ROBO2: variants seen among roughly 807,000 people sequenced by gnomAD.
ROBO2 encodes the protein roundabout guidance receptor 2.
Under a neutral mutation model 160.8 loss-of-function variants are expected in ROBO2, and 53 were observed. The ratio of observed to expected loss-of-function variants is 0.33; its 90% CI spans 0.26 to 0.41. The LOEUF is 0.41. Among genes scored for constraint, ROBO2 ranks in the 10% least tolerant of loss-of-function variants. The probability of loss-of-function intolerance (pLI) is 1.00; values close to 1 mark genes in which losing one functional copy is unlikely to be tolerated. For missense variants in ROBO2, 1,577 were observed against 1,722.4 expected (o/e 0.92, Z 1.49); for synonymous variants, 664 against 611.7 (o/e 1.09, Z -1.26).
intron 2 of ROBO2, among the ~76,000 whole-genome samples, chr3:76,039,142 A>G (rs1043696194): frequency 6.6e-6 from 1 of 152,008 alleles, no homozygotes; most frequent in Non-Finnish European, 1.5e-5. Context: ...TGGCCATAGT[A>G]AAGACTGGCA....
chr3:76,809,468 C>T (rs2064994713), intron 2 of ROBO2, among the ~76,000 whole-genome samples: 1 of 152,122 alleles, frequency 6.6e-6, no homozygotes, highest in South Asian at 2.1e-4. Flanking sequence ...CAAAGACAGC[C>T]TTATATAACA....
intron 2 of ROBO2, among the ~76,000 whole-genome samples, chr3:76,338,816 T>G (rs2108134333): frequency 6.6e-6 from 1 of 151,776 alleles, no homozygotes; most frequent in South Asian, 2.1e-4. Context: ...GACAATGAAG[T>G]TGAACCACTG....
chr3:77,321,036 T>G (rs1378353395), intron 2 of ROBO2, among the ~76,000 whole-genome samples: 1 of 152,186 alleles, frequency 6.6e-6, no homozygotes, highest in South Asian at 2.1e-4. Context: ...TCTAGTTGAC[T>G]AAGAAGATAG....
intron 2 of ROBO2, among the ~76,000 whole-genome samples, chr3:77,441,571 A>G (rs1350455653): frequency 2.6e-5 from 4 of 152,172 alleles, no homozygotes; most frequent in Non-Finnish European, 5.9e-5. Flanking sequence ...AAATTTAAAC[A>G]TACAAAATTA....
At chr3:76,079,365 TGATCATTA>T (rs1286908484) in intron 2 of ROBO2, among the ~76,000 whole-genome samples, 2 of 152,198 alleles carry the variant, frequency 1.3e-5, no homozygotes, top group Non-Finnish European at 1.5e-5. Context: ...AACCCTCATT[TGATCATTA>T]AACATTGTAT....
At chr3:76,754,240 T>C (rs2060838524) in intron 2 of ROBO2, among the ~76,000 whole-genome samples, 1 of 151,944 alleles carries the variant, frequency 6.6e-6, no homozygotes, top group Non-Finnish European at 1.5e-5. Context: ...GTTTTCTCTC[T>C]AGGCCGTTAG....
In ROBO2 at chr3:77,270,945, TAA is replaced by T. The variant is rs34427104; in HGVS notation, c.388+172619_388+172620del. On this transcript the variant is annotated intron_variant, in intron 2 of 25. Transcript: ENST00000461745. The stretch of plus-strand genomic sequence containing the variant: ...GCGACAGAGCAATACTCTGTCTTTT[TAA>T]AAAAAAAAAAAAACGGTTTCTATGT... Among the ~76,000 whole-genome samples the T allele has an allele frequency of 7.9e-3, 1,155 of 146,110 alleles. 11 individuals carry two copies. Among genetic ancestry groups the T allele is most frequent in the African/African-American group, 0.018 (706 of 39,742 alleles).
At chr3:77,522,017 G>GA (rs1017582883) in intron 5 of ROBO2, among the ~76,000 whole-genome samples, 2 of 151,062 alleles carry the variant, frequency 1.3e-5, no homozygotes, top group African/African-American at 2.4e-5. Context: ...GATCACATGT[G>GA]AAAAAAATGA....
rs551824404 is a variant in ROBO2 at position 76,884,317 on chromosome 3, A to G, written c.110-213697A>G. On this transcript the variant is annotated intron_variant, in intron 2 of 26. Transcript: ENST00000487694. ...TGTGGAAGTATGCATAAAAATTGTC[A>G]TTTCTGTCCAAACCTTTATTAAAGA... is the stretch of plus-strand genomic sequence containing the variant. 1.5e-3 allele frequency among the ~76,000 whole-genome samples: 227 copies of G among 152,308 alleles called. 2 individuals carry two copies. The highest frequency in any genetic ancestry group is 5.0e-3 in the African/African-American group (208 of 41,566).
intron 2 of ROBO2, among the ~76,000 whole-genome samples, chr3:76,681,412 T>C (rs1415889485): frequency 6.6e-5 from 10 of 152,086 alleles, no homozygotes; most frequent in Non-Finnish European, 1.5e-4. Context: ...TCAACAACCT[T>C]ATGAAGTTCA....
At chr3:76,770,298 C>T (rs928721134) in intron 2 of ROBO2, among the ~76,000 whole-genome samples, 5 of 151,318 alleles carry the variant, frequency 3.3e-5, no homozygotes, top group African/African-American at 1.2e-4. Flanking sequence ...AGTCTCTCCT[C>T]TCTCCTTTTT....
At chr3:77,173,907 A>C (rs2079880944) in intron 2 of ROBO2, among the ~76,000 whole-genome samples, 1 of 152,048 alleles carries the variant, frequency 6.6e-6, no homozygotes, top group Non-Finnish European at 1.5e-5. Flanking sequence ...GACTCCAAAC[A>C]CCTACCATCT....
intron 2 of ROBO2, among the ~76,000 whole-genome samples, chr3:76,094,327 G>A (rs542775835): frequency 6.6e-6 from 1 of 152,330 alleles, no homozygotes; most frequent in Non-Finnish European, 1.5e-5. Flanking sequence ...GACCTGCCAG[G>A]GCAGGCAGCC....
intron 2 of ROBO2, among the ~76,000 whole-genome samples, chr3:76,444,573 G>A (rs976799101): frequency 6.6e-6 from 1 of 152,114 alleles, no homozygotes; most frequent in African/African-American, 2.4e-5. Context: ...TAGTCAAGGG[G>A]AAAGAGCCCC....
intron 2 of ROBO2, among the ~76,000 whole-genome samples, chr3:76,180,946 C>T (rs933121205): frequency 7.8e-4 from 118 of 152,116 alleles, no homozygotes; most frequent in Non-Finnish European, 9.8e-4. Context: ...TTTCTTTCAG[C>T]TCCTAAAGCG....
intron 2 of ROBO2, among the ~76,000 whole-genome samples, chr3:76,183,177 T>C (rs1383197189): frequency 6.6e-6 from 1 of 152,108 alleles, no homozygotes; most frequent in Non-Finnish European, 1.5e-5. Flanking sequence ...TGTACACAAA[T>C]GTCATCTCTA....
At chr3:76,764,765 C>CT (rs1427651949) in intron 2 of ROBO2, among the ~76,000 whole-genome samples, 1 of 151,646 alleles carries the variant, frequency 6.6e-6, no homozygotes, top group Non-Finnish European at 1.5e-5. Context: ...AGCCACCTCT[C>CT]TAATCTCCTA....
At chr3:76,894,072 C>T (rs1307386160) in intron 2 of ROBO2, among the ~76,000 whole-genome samples, 1 of 152,128 alleles carries the variant, frequency 6.6e-6, no homozygotes, top group Non-Finnish European at 1.5e-5. Context: ...AATGGCGATA[C>T]ACCCTTTTGA....
intron 2 of ROBO2, among the ~76,000 whole-genome samples, chr3:76,947,087 A>G (rs903192957): frequency 6.6e-6 from 1 of 152,190 alleles, no homozygotes; most frequent in African/African-American, 2.4e-5. Context: ...TATCACTCAA[A>G]ATCACAATAT....
Sources: gnomAD v4.1 joint callset for allele counts (sites outside exome capture counted in the v4.1 genomes callset) on GRCh38, gnomAD v4.1.1 for gene constraint, MANE v1.5 for transcripts, NCBI Gene and HGNC (gene_info 2026-07-23, HGNC 2026-07-21) for gene names.